The following JAK1 variants were observed in gnomAD, a reference collection of about 807,000 sequenced individuals.
JAK1 encodes the protein tyrosine-protein kinase JAK1.
In JAK1, 16 loss-of-function variants were observed where a neutral mutation model predicts 136.6. The ratio of observed to expected loss-of-function variants is 0.12; its 90% CI spans 0.08 to 0.18. The LOEUF (loss-of-function observed/expected upper bound fraction) is 0.18, where lower values mean the gene tolerates loss of function less well. Among genes scored for constraint, JAK1 ranks in the 10% least tolerant of loss-of-function variants. The pLI is 1.00. For missense variants in JAK1, 859 were observed against 1,450.1 expected (o/e 0.59, Z 6.62); for synonymous variants, 492 against 519.5 (o/e 0.95, Z 0.72).
At chr1:64,855,345 T>C (rs370309436) in intron 11 of JAK1, among the ~76,000 whole-genome samples, 164 bp downstream of exon 11, 201 of 152,246 alleles carry the variant, frequency 1.3e-3, no homozygotes, top group South Asian at 9.8e-3. Flanking sequence ...ACTCAAGGGA[T>C]TGGATGTGAG....
rs138692002 is a variant in JAK1 at position 64,840,128 on chromosome 1, C to T, written c.2650-333G>A. Among the ~76,000 whole-genome samples the T allele has an allele frequency of 4.8e-3, 730 of 152,328 alleles. 6 individuals are homozygous for T. Among genetic ancestry groups the T allele is most frequent in the Middle Eastern group, 0.031 (9 of 294 alleles). On this transcript the variant is annotated intron_variant, in intron 19 of 24. Coordinates refer to ENST00000342505, the MANE Select transcript of JAK1 (RefSeq NM_002227.4). Reference sequence around the variant, plus strand: ...CCGTTCTCTAAAAGCCCTGGGCTCACGTTACAGGACAGGCCCCACAGCATG... The same window carrying T: ...CCGTTCTCTAAAAGCCCTGGGCTCATGTTACAGGACAGGCCCCACAGCATG...
rs77857288 is a variant in JAK1, at chr1:65,060,358, T to A, written c.-181+7246A>T. ...AAACTGAATACTTACCCTGAAACAC[T>A]GAAGGTTGGGTAAGTATGGAGACAA... is the stretch of plus-strand genomic sequence containing the variant. On this transcript the variant is annotated intron_variant, in intron 1 of 25. Coordinates refer to the JAK1 transcript ENST00000671954. Among the ~76,000 whole-genome samples the A allele has an allele frequency of 7.0e-3, 1,065 of 152,270 alleles. 7 individuals carry two copies. The highest frequency in any genetic ancestry group is 0.025 in the African/African-American group (1,031 of 41,544).
At chr1:64,889,955 T>G (rs1482936019) in intron 1 of JAK1, among the ~76,000 whole-genome samples, 1 of 152,166 alleles carries the variant, frequency 6.6e-6, no homozygotes, top group Non-Finnish European at 1.5e-5. Context: ...ACTATGGATA[T>G]AAAAGAAACC....
At chr1:64,897,595 C>A (rs1645043108) in intron 1 of JAK1, among the ~76,000 whole-genome samples, 2 of 105,642 alleles carry the variant, frequency 1.9e-5, no homozygotes, top group South Asian at 6.2e-4. Context: ...AGGAGGAAAG[C>A]CGGAGGGTAA....
intron 2 of JAK1, among the ~76,000 whole-genome samples, chr1:65,012,536 AG>A (rs1389892242): frequency 5.3e-5 from 8 of 152,224 alleles, no homozygotes; most frequent in African/African-American, 1.9e-4. Context: ...ACAAAATCTA[AG>A]GTATACTGAG....
At chr1:65,050,254 C>T (rs1647248289) in intron 1 of JAK1, among the ~76,000 whole-genome samples, 1 of 152,182 alleles carries the variant, frequency 6.6e-6, no homozygotes, top group Non-Finnish European at 1.5e-5. Flanking sequence ...CAGAATTCGC[C>T]ATCTAACGAG....
intron 2 of JAK1, among the ~76,000 whole-genome samples, chr1:64,996,042 T>C (rs1646701074): frequency 1.3e-5 from 2 of 152,340 alleles, no homozygotes; most frequent in Admixed American, 1.3e-4. Context: ...TGCGCCTGGC[T>C]GACATTGGGC....
chr1:64,916,409 T>C (rs1311443662), intron 1 of JAK1, among the ~76,000 whole-genome samples: 1 of 152,240 alleles, frequency 6.6e-6, no homozygotes, highest in Non-Finnish European at 1.5e-5. Flanking sequence ...AGAAATGTTC[T>C]ATATTTTGTT....
intron 2 of JAK1, among the ~76,000 whole-genome samples, chr1:65,030,829 G>A (rs1647016388): frequency 6.6e-6 from 1 of 152,116 alleles, no homozygotes; most frequent in African/African-American, 2.4e-5. Flanking sequence ...ACCGCACCTG[G>A]CCTCAGTGAC....
intron 1 of JAK1, among the ~76,000 whole-genome samples, chr1:64,950,571 T>G (rs1229458316): frequency 6.6e-6 from 1 of 152,202 alleles, no homozygotes; most frequent in Admixed American, 6.5e-5. Context: ...GTGCTAGCCA[T>G]CCGGCCAGCC....
rs551800486 is a variant in JAK1 at position 64,885,511 on chromosome 1, T to C, written c.6+748A>G. Among the ~76,000 whole-genome samples the C allele has an allele frequency of 3.3e-5, 5 of 152,064 alleles. No individual in the cohort carries two copies. The South Asian group carries it at 6.2e-4, about 19-fold the overall frequency. ...GCTCATGCCTGTAATCCCAGCACTT[T>C]GGGAGGCCAAGGCGGGCGGATCACG... On this transcript the variant is annotated intron_variant, in intron 2 of 24. Coordinates refer to ENST00000342505, the MANE Select transcript of JAK1 (RefSeq NM_002227.4).
chr1:64,894,520 A>T (rs1257128113), intron 1 of JAK1, among the ~76,000 whole-genome samples: 1 of 152,182 alleles, frequency 6.6e-6, no homozygotes, highest in Non-Finnish European at 1.5e-5. Context: ...GCACTTTGGG[A>T]CGCCAAGGTG....
At chr1:65,013,471 A>G (rs1646867466) in intron 2 of JAK1, among the ~76,000 whole-genome samples, 1 of 152,164 alleles carries the variant, frequency 6.6e-6, no homozygotes, top group South Asian at 2.1e-4. Flanking sequence ...TTCAAAGGCT[A>G]CATTTTCCCC....
chr1:64,847,640 G>C lies in JAK1; in HGVS notation c.1791C>G (p.Ile597Met), dbSNP rs758372896. Residue 597 changes from isoleucine to methionine, a missense_variant, in exon 13 of 25, where the codon ATC (isoleucine) becomes ATG (methionine). Around this residue, in one of 4 missense-constraint regions of JAK1, gnomAD observed 409 missense variants for 753.8 expected, o/e 0.54. Coordinates refer to ENST00000342505, the MANE Select transcript of JAK1 (RefSeq NM_002227.4). ...TGTAATCCATCAGGGTCCCAGAATA[G>C]ATGTGTGTTCTCGTGCCTCTCCCAA... is the stretch of plus-strand genomic sequence containing the variant. ...EHLGRGTRTH[I>M]YSGTLMDYKD... The C allele has an allele frequency of 1.7e-5, 28 of 1,614,028 alleles. No individual in the cohort carries two copies. The Admixed American group carries it at 3.5e-4, about 20-fold the overall frequency.
intron 2 of JAK1, among the ~76,000 whole-genome samples, chr1:65,020,436 A>G (rs1646929026): frequency 6.6e-6 from 1 of 152,176 alleles, no homozygotes; most frequent in African/African-American, 2.4e-5. Context: ...GAATTTTCTC[A>G]GCATCATTGT....
At chr1:64,873,598 C>T (rs986064115) in intron 4 of JAK1, 75 bp from the exon 5 acceptor site, 33 of 1,563,620 alleles carry the variant, frequency 2.1e-5, no homozygotes, top group Non-Finnish European at 2.8e-5. Flanking sequence ...GGCTCACCAA[C>T]AGTGGTCAGT....
intron 1 of JAK1, among the ~76,000 whole-genome samples, chr1:65,061,996 G>A (rs1647811865): frequency 6.6e-6 from 1 of 152,118 alleles, no homozygotes; most frequent in Non-Finnish European, 1.5e-5. Context: ...TTTGAGCACT[G>A]GCCCTAATTA....
chr1:64,914,076 G>A (rs764551707), intron 1 of JAK1, among the ~76,000 whole-genome samples: 27 of 152,156 alleles, frequency 1.8e-4, no homozygotes, highest in Non-Finnish European at 3.8e-4. Context: ...CAGGTTAGAG[G>A]AGGCCAGTGA....
At chr1:65,049,139 A>G (rs561576) in intron 1 of JAK1, among the ~76,000 whole-genome samples, 121,376 of 152,150 alleles carry the variant, frequency 0.8, 48,500 homozygotes, top group East Asian at 0.89. Flanking sequence ...AGTAAGGGCG[A>G]GGCCTGGCAT....
Sources: gnomAD v4.1 joint callset for allele counts (sites outside exome capture counted in the v4.1 genomes callset) on GRCh38, gnomAD v4.1.1 for gene constraint, gnomAD v4.1.1 regional missense constraint, MANE v1.5 for transcripts, NCBI Gene and HGNC (gene_info 2026-07-23, HGNC 2026-07-21) for gene names.